The following NCALD variants were observed in gnomAD, a reference collection of about 807,000 sequenced individuals.
NCALD encodes neurocalcin-delta.
Under a neutral mutation model 18.6 loss-of-function variants are expected in NCALD, and 10 were observed. The observed-to-expected ratio is 0.54, with a 90% CI of 0.33 to 0.91. The LOEUF (loss-of-function observed/expected upper bound fraction) is 0.91. NCALD is among the 40% of genes least tolerant of loss of function. The pLI, the probability that NCALD is intolerant of heterozygous loss-of-function variation, is 0.03. For synonymous variants in NCALD, 88 were observed against 87.4 expected (o/e 1.01, Z -0.04); for missense variants, 184 against 247.6 (o/e 0.74, Z 1.72).
intron 2 of NCALD, among the ~76,000 whole-genome samples, chr8:101,967,646 C>T (rs911264564): frequency 6.6e-6 from 1 of 152,074 alleles, no homozygotes; most frequent in African/African-American, 2.4e-5. Flanking sequence ...AACTAGCAGG[C>T]GTCTCAGAAC....
At chr8:101,840,830 A>G (rs917307368) in intron 4 of NCALD, among the ~76,000 whole-genome samples, 7 of 152,234 alleles carry the variant, frequency 4.6e-5, no homozygotes, top group African/African-American at 1.7e-4. Flanking sequence ...TACTTATGGC[A>G]AAACATCAAG....
chr8:102,110,430 T>A lies in NCALD; in HGVS notation c.-210+13807A>T, dbSNP rs551955450. ...TCCCTATTTCTGCCTGTCGTTTTGC[T>A]GTAATTATTAGAAAGCACTCCACTT... is the stretch of plus-strand genomic sequence containing the variant. On this transcript the variant is annotated intron_variant, in intron 1 of 6. Coordinates refer to the NCALD transcript ENST00000311028. Among the ~76,000 whole-genome samples, 25 of 152,312 alleles carry A rather than the reference T, an allele frequency of 1.6e-4. No individual in the cohort carries two copies. The South Asian group carries it at 5.2e-3, about 32-fold the overall frequency.
intron 2 of NCALD, among the ~76,000 whole-genome samples, chr8:102,002,404 T>G (rs1381493529): frequency 6.6e-6 from 1 of 152,130 alleles, no homozygotes; most frequent in African/African-American, 2.4e-5. Context: ...AGAAAGAGAC[T>G]TAGACTCCCA....
intron 3 of NCALD, among the ~76,000 whole-genome samples, chr8:101,907,399 A>G (rs1370514520): frequency 6.6e-6 from 1 of 152,144 alleles, no homozygotes; most frequent in Non-Finnish European, 1.5e-5. Flanking sequence ...CATACTCTCT[A>G]GAGCCACTTC....
chr8:102,027,453 C>T (rs1321805999), intron 1 of NCALD, among the ~76,000 whole-genome samples: 1 of 152,188 alleles, frequency 6.6e-6, no homozygotes, highest in Non-Finnish European at 1.5e-5. Context: ...CAACCAGTTC[C>T]CCATCTCCAT....
At chr8:101,903,784 T>C (rs1817518456) in intron 3 of NCALD, among the ~76,000 whole-genome samples, 1 of 152,224 alleles carries the variant, frequency 6.6e-6, no homozygotes, top group East Asian at 1.9e-4. Context: ...CTCAGTCTCA[T>C]CCTCTCCCAT....
intron 2 of NCALD, 150 bp from the exon 3 acceptor site, chr8:101,693,046 G>A: frequency 3.5e-6 from 2 of 565,960 alleles, no homozygotes; most frequent in Non-Finnish European, 6.3e-6. Flanking sequence ...AAGATGTGGA[G>A]GCACAGGTAG....
chr8:102,103,249 T>C (rs113623599), intron 1 of NCALD, among the ~76,000 whole-genome samples: 1 of 140,060 alleles, frequency 7.1e-6, no homozygotes, highest in African/African-American at 2.7e-5. Context: ...CACTCTACCC[T>C]TTCTCTGCCT....
chr8:102,106,065 GAAC>G (rs1193536618), intron 1 of NCALD, among the ~76,000 whole-genome samples: 2 of 151,438 alleles, frequency 1.3e-5, no homozygotes, highest in African/African-American at 2.4e-5. Flanking sequence ...GGCACATCTA[GAAC>G]AACAATTTTT....
intron 4 of NCALD, among the ~76,000 whole-genome samples, chr8:101,806,660 A>G (rs1427707755): frequency 6.6e-6 from 1 of 152,142 alleles, no homozygotes; most frequent in Admixed American, 6.6e-5. Flanking sequence ...AGAACATGCA[A>G]TCTGAAGAGC....
At chr8:101,712,676 CAAAG>C (rs1815864585) in intron 2 of NCALD, among the ~76,000 whole-genome samples, 4 of 145,370 alleles carry the variant, frequency 2.8e-5, no homozygotes, top group African/African-American at 1.0e-4. Flanking sequence ...TCAAAAAAGA[CAAAG>C]AAGGGCATTA....
intron 2 of NCALD, among the ~76,000 whole-genome samples, chr8:101,965,243 A>G (rs1243774944): frequency 2.6e-5 from 4 of 152,206 alleles, no homozygotes; most frequent in Admixed American, 6.5e-5. Context: ...ATACCATTTG[A>G]CCCAGCAATC....
chr8:101,709,358 G>T (rs1006456611), intron 2 of NCALD, among the ~76,000 whole-genome samples: 2 of 152,080 alleles, frequency 1.3e-5, no homozygotes, highest in African/African-American at 4.8e-5. Flanking sequence ...TTCTTCCTTT[G>T]GTTCCTTCTT....
rs1360631908 is a variant in NCALD, at chr8:102,042,421, G to A, written c.-209-22132C>T. 1.3e-5 allele frequency among the ~76,000 whole-genome samples: 2 copies of A among 151,888 alleles called. 1 individual carries two copies. The highest frequency in any genetic ancestry group is 4.9e-5 in the African/African-American group (2 of 41,178). On this transcript the variant is annotated intron_variant, in intron 1 of 6. Transcript: ENST00000311028. ...GACCACTCAGAGAGCTTCACATGGG[G>A]CTCCTACAGTTTGGAAGACTTTGTG...
intron 2 of NCALD, among the ~76,000 whole-genome samples, chr8:102,015,194 T>C (rs1437845601): frequency 6.6e-6 from 1 of 152,178 alleles, no homozygotes; most frequent in Non-Finnish European, 1.5e-5. Context: ...TACTGTCTCA[T>C]TTTTGTATTT....
intron 4 of NCALD, among the ~76,000 whole-genome samples, chr8:101,847,010 A>G (rs1027640668): frequency 1.3e-5 from 2 of 152,106 alleles, no homozygotes; most frequent in African/African-American, 2.4e-5. Flanking sequence ...CAGAACACCA[A>G]TTTTATTAAC....
intron 4 of NCALD, among the ~76,000 whole-genome samples, chr8:101,845,138 T>A (rs1814813644): frequency 6.6e-6 from 1 of 152,252 alleles, no homozygotes; most frequent in Non-Finnish European, 1.5e-5. Flanking sequence ...AAGGAGTCAG[T>A]CTATGAACGA....
chr8:101,999,400 T>C (rs1176169643), intron 2 of NCALD, among the ~76,000 whole-genome samples: 1 of 152,204 alleles, frequency 6.6e-6, no homozygotes, highest in African/African-American at 2.4e-5. Flanking sequence ...ACCATTATTC[T>C]AAGTGAAGTA....
chr8:102,064,501 T>C (rs142801888), intron 1 of NCALD, among the ~76,000 whole-genome samples: 1 of 152,374 alleles, frequency 6.6e-6, no homozygotes, highest in Non-Finnish European at 1.5e-5. Context: ...TAAAACCTGC[T>C]GAATCACTTT....
Sources: gnomAD v4.1 joint callset for allele counts (sites outside exome capture counted in the v4.1 genomes callset) on GRCh38, gnomAD v4.1.1 for gene constraint, MANE v1.5 for transcripts, NCBI Gene and HGNC (gene_info 2026-07-23, HGNC 2026-07-21) for gene names.